The following MYO5A variants were observed in gnomAD, a reference collection of about 807,000 sequenced individuals.
MYO5A encodes the protein myosin VA, also known as unconventional myosin-Va.
A neutral mutation model predicts 249.7 loss-of-function variants in MYO5A; 98 were observed. The ratio of observed to expected loss-of-function variants is 0.39; its 90% CI spans 0.33 to 0.46. The LOEUF is 0.46. MYO5A is among the 20% of genes least tolerant of loss of function. The pLI is 0.98. For synonymous variants in MYO5A, 778 were observed against 810.6 expected, an observed-to-expected ratio of 0.96 and a Z score of 0.68; for missense variants, 1,696 against 2,308.8, an observed-to-expected ratio of 0.73 and a Z score of 5.44.
intron 1 of MYO5A, among the ~76,000 whole-genome samples, chr15:52,507,617 C>G (rs1271764871): frequency 2.0e-5 from 3 of 151,946 alleles, no homozygotes; most frequent in Non-Finnish European, 4.4e-5. Flanking sequence ...TAGGAGCAGA[C>G]CAGCCTGAGC....
At chr15:52,400,041 T>C (rs2042678871) in intron 9 of MYO5A, among the ~76,000 whole-genome samples, 1 of 152,218 alleles carries the variant, frequency 6.6e-6, no homozygotes, top group Non-Finnish European at 1.5e-5. Context: ...TTTTAACCAG[T>C]CTAACAATCT....
At chr15:52,467,892 A>C (rs971232670) in intron 1 of MYO5A, among the ~76,000 whole-genome samples, 2 of 152,248 alleles carry the variant, frequency 1.3e-5, no homozygotes, top group Non-Finnish European at 1.5e-5. Flanking sequence ...GAAAGAAAAA[A>C]GAAAAACCTA....
chr15:52,313,520 T>G lies in MYO5A; in HGVS notation c.*176A>C. ...AAAGATAACACAGCACGAAAGAGCC[T>G]ATCTTTGTTTCCAAAGTGATGAAAG... On this transcript the variant is annotated 3_prime_UTR_variant, in exon 42 of 42. Transcript: ENST00000399233. 2 of 811,464 alleles carry G rather than the reference T, an allele frequency of 2.5e-6. No homozygotes were observed. The highest frequency in any genetic ancestry group is 3.3e-5 in the South Asian group (2 of 60,520). The allele number at this position is 811,464 out of a possible 1,614,324, so 50.3% of individuals were successfully genotyped here.
At chr15:52,478,468 T>A (rs532738529) in intron 1 of MYO5A, among the ~76,000 whole-genome samples, 8 of 152,258 alleles carry the variant, frequency 5.3e-5, no homozygotes, top group African/African-American at 1.9e-4. Flanking sequence ...GGTACCTCAG[T>A]TGGAAATGCA....
At chr15:52,503,920 C>T (rs2077207952) in intron 1 of MYO5A, among the ~76,000 whole-genome samples, 1 of 152,118 alleles carries the variant, frequency 6.6e-6, no homozygotes, top group Non-Finnish European at 1.5e-5. Context: ...AGCACATGAT[C>T]GACATTGCTT....
rs576350722 is a variant in MYO5A at position 52,510,429 on chromosome 15, T to G, written c.27+18351A>C. 1.4e-3 allele frequency among the ~76,000 whole-genome samples: 208 copies of G among 152,284 alleles called. 1 individual carries two copies. Among genetic ancestry groups the G allele is most frequent in the Non-Finnish European group, 2.5e-3 (172 of 68,012 alleles). ...AAGAATTTTTGGAAATCTTTAACCT[T>G]AAGGACAATATTAAGAATCTAGGTC... On this transcript the variant is annotated intron_variant, in intron 1 of 41. Coordinates refer to ENST00000399233, the MANE Select transcript of MYO5A (RefSeq NM_001382347.1).
chr15:52,411,254 C>A (rs1342605803), intron 5 of MYO5A, among the ~76,000 whole-genome samples: 1 of 152,260 alleles, frequency 6.6e-6, no homozygotes, highest in Non-Finnish European at 1.5e-5. Context: ...GTCTCTTTAG[C>A]CTGATGTTTC....
intron 1 of MYO5A, among the ~76,000 whole-genome samples, chr15:52,517,265 A>T (rs1035381231): frequency 1.2e-4 from 19 of 152,232 alleles, no homozygotes; most frequent in African/African-American, 3.9e-4. Context: ...AATTAACTAA[A>T]ACTGACTAAG....
intron 20 of MYO5A, among the ~76,000 whole-genome samples, 190 bp downstream of exon 20, chr15:52,375,114 C>T (rs1228543576): frequency 6.6e-6 from 1 of 152,082 alleles, no homozygotes; most frequent in Non-Finnish European, 1.5e-5. Flanking sequence ...CACTGCACCC[C>T]AGCCAGGGTG....
In MYO5A at chr15:52,404,082, A is replaced by G. The variant is rs371589224; in HGVS notation, c.1053+1205T>C. On this transcript the variant is annotated intron_variant, in intron 9 of 41. Transcript: ENST00000399233. ...CGAGTTCAAGAGCAGCCTGGCCAAC[A>G]TGGCAAAACCCCATCTCTACTAAAA... is the stretch of plus-strand genomic sequence containing the variant. 4.6e-5 allele frequency among the ~76,000 whole-genome samples: 7 copies of G among 152,212 alleles called. No individual in the cohort carries two copies. The East Asian group carries it at 7.7e-4, about 17-fold the overall frequency.
chr15:52,478,278 G>T (rs1288146593), intron 1 of MYO5A, among the ~76,000 whole-genome samples: 1 of 152,160 alleles, frequency 6.6e-6, no homozygotes, highest in Non-Finnish European at 1.5e-5. Context: ...GTATTAGGGT[G>T]GGAGTGACCC....
At chr15:52,468,213 G>A (rs1595738499) in intron 1 of MYO5A, among the ~76,000 whole-genome samples, 1 of 152,066 alleles carries the variant, frequency 6.6e-6, no homozygotes, top group Non-Finnish European at 1.5e-5. Context: ...TATTCGGGAG[G>A]ATCACCCGAG....
rs1301934506 is a variant in MYO5A, at chr15:52,311,171, A to T, written c.*2525T>A. 6.6e-6 allele frequency: 1 copy of T among 152,086 alleles called. No homozygotes were observed. Among genetic ancestry groups the T allele is most frequent in the East Asian group, 1.9e-4 (1 of 5,192 alleles). 9.4% of individuals were successfully genotyped at this position (152,086 alleles called of 1,614,324 possible). Reference sequence around the variant, plus strand: ...CTTCAGTACATGAGCTGTCCGGAGTAAAAAAAAGGGCTGCATGGCAGTGAC... The same window carrying T: ...CTTCAGTACATGAGCTGTCCGGAGTTAAAAAAAGGGCTGCATGGCAGTGAC... On this transcript the variant is annotated 3_prime_UTR_variant, in exon 42 of 42. Coordinates refer to ENST00000399233, the MANE Select transcript of MYO5A (RefSeq NM_001382347.1).
At chr15:52,360,213 T>C in intron 24 of MYO5A, 132 bp from the exon 25 acceptor site, 1 of 707,012 alleles carries the variant, frequency 1.4e-6, no homozygotes, top group Non-Finnish European at 2.6e-6. Flanking sequence ...ATTTGTTCCA[T>C]ATTGTTTTGA....
At chr15:52,455,641 G>A (rs2076102532) in intron 1 of MYO5A, among the ~76,000 whole-genome samples, 1 of 152,076 alleles carries the variant, frequency 6.6e-6, no homozygotes, top group Non-Finnish European at 1.5e-5. Context: ...TCCCAGACAT[G>A]CAAGGATGGT....
intron 22 of MYO5A, among the ~76,000 whole-genome samples, chr15:52,367,978 C>A (rs940891751): frequency 1.3e-4 from 20 of 150,606 alleles, no homozygotes; most frequent in Non-Finnish European, 2.2e-4. Flanking sequence ...AAAGTTAAAA[C>A]CAAAGGTAAT....
At chr15:52,420,767 T>C (rs559268860) in intron 4 of MYO5A, among the ~76,000 whole-genome samples, 30 of 152,264 alleles carry the variant, frequency 2.0e-4, no homozygotes, top group Non-Finnish European at 4.3e-4. Context: ...TATTCTAGGC[T>C]AAATAAAAGA....
chr15:52,480,122 C>G (rs941400024), intron 1 of MYO5A, among the ~76,000 whole-genome samples: 3 of 152,128 alleles, frequency 2.0e-5, no homozygotes, highest in Non-Finnish European at 4.4e-5. Context: ...TCAATTATAC[C>G]TCAATAAAAC....
At chr15:52,363,283 A>G (rs756574612) in intron 24 of MYO5A, among the ~76,000 whole-genome samples, 7 of 152,240 alleles carry the variant, frequency 4.6e-5, no homozygotes, top group Non-Finnish European at 7.3e-5. Flanking sequence ...AAAGGTTTCA[A>G]TGGGACCAAC....
Sources: gnomAD v4.1 joint callset for allele counts (sites outside exome capture counted in the v4.1 genomes callset) on GRCh38, gnomAD v4.1.1 for gene constraint, MANE v1.5 for transcripts, NCBI Gene and HGNC (gene_info 2026-07-23, HGNC 2026-07-21) for gene names.